The following MYO6 variants were observed in gnomAD, a reference collection of about 807,000 sequenced individuals.
The protein encoded by MYO6 is unconventional myosin-VI.
MYO6 carries 74 observed loss-of-function variants against 178.7 expected under a neutral mutation model. That is an observed-to-expected ratio of 0.41 (90% CI 0.34 to 0.50). MYO6 has a LOEUF of 0.50. Among genes scored for constraint, MYO6 ranks in the 20% least tolerant of loss-of-function variants. The pLI is 0.09. For missense variants in MYO6, 1,330 were observed against 1,547.4 expected (o/e 0.86, Z 2.36); for synonymous variants, 477 against 504.6 (o/e 0.95, Z 0.73).
intron 1 of MYO6, among the ~76,000 whole-genome samples, chr6:75,808,571 G>C (rs1379185356): frequency 1.3e-5 from 2 of 152,194 alleles, no homozygotes; most frequent in Non-Finnish European, 2.9e-5. Context: ...TTCATATGAA[G>C]GGGTATTGCA....
intron 13 of MYO6, 53 bp from the exon 14 acceptor site, chr6:75,858,849 T>G (rs1174683176): frequency 9.5e-7 from 1 of 1,049,748 alleles, no homozygotes; most frequent in Non-Finnish European, 1.5e-6. Context: ...CTATGATAAA[T>G]TTATATGAAG....
chr6:75,820,683 C>T (rs367747721), intron 2 of MYO6, among the ~76,000 whole-genome samples: 1 of 152,060 alleles, frequency 6.6e-6, no homozygotes, highest in Admixed American at 6.6e-5. Flanking sequence ...TCTCCATATC[C>T]TTTTGCTTAG....
intron 1 of MYO6, among the ~76,000 whole-genome samples, chr6:75,774,217 A>G (rs13217702): frequency 0.017 from 2,514 of 152,310 alleles, 37 homozygotes; most frequent in African/African-American, 0.04. Context: ...TTTTTACATA[A>G]TAAAATGTAA....
intron 1 of MYO6, among the ~76,000 whole-genome samples, chr6:75,812,527 T>A (rs1770796373): frequency 6.6e-6 from 1 of 152,210 alleles, no homozygotes; most frequent in Non-Finnish European, 1.5e-5. Flanking sequence ...CACCCTCTTG[T>A]GCTATCAAGT....
chr6:75,815,659 CT>C (rs1251128225), intron 1 of MYO6, among the ~76,000 whole-genome samples: 2 of 152,222 alleles, frequency 1.3e-5, no homozygotes, highest in African/African-American at 2.4e-5. Flanking sequence ...AAGCAACTCA[CT>C]TTGTAGCCAC....
At chr6:75,751,226 C>G (rs905671903) in intron 1 of MYO6, among the ~76,000 whole-genome samples, 3 of 152,114 alleles carry the variant, frequency 2.0e-5, no homozygotes, top group Admixed American at 6.5e-5. Context: ...GGAATTGCAT[C>G]CACTTTGGTA....
chr6:75,787,730 C>CTCTCTCTCTATA (rs1767784406), intron 1 of MYO6, among the ~76,000 whole-genome samples: 1 of 11,660 alleles, frequency 8.6e-5, no homozygotes, highest in East Asian at 2.2e-3. Context: ...CTCTCTCTCT[C>CTCTCTCTCTATA]TATATATATA....
chr6:75,826,498 A>G (rs963454916), intron 3 of MYO6, among the ~76,000 whole-genome samples: 1 of 152,096 alleles, frequency 6.6e-6, no homozygotes, highest in African/African-American at 2.4e-5. Flanking sequence ...TACTTAGAGG[A>G]AGCAGTGACA....
At chr6:75,782,360 T>C (rs892729131) in intron 1 of MYO6, among the ~76,000 whole-genome samples, 11 of 152,284 alleles carry the variant, frequency 7.2e-5, no homozygotes, top group Non-Finnish European at 1.3e-4. Flanking sequence ...CTCTTACCCT[T>C]ATTATATTCA....
chr6:75,812,044 G>A (rs1770746446), intron 1 of MYO6, among the ~76,000 whole-genome samples: 1 of 152,032 alleles, frequency 6.6e-6, no homozygotes, highest in Admixed American at 6.6e-5. Flanking sequence ...CCAGAGACAA[G>A]GTCTTACTCT....
chr6:75,811,494 A>T (rs562193959), intron 1 of MYO6, among the ~76,000 whole-genome samples: 1 of 152,192 alleles, frequency 6.6e-6, no homozygotes, highest in African/African-American at 2.4e-5. Flanking sequence ...GAGCAATGTT[A>T]GCTGTGTGTG....
At chr6:75,881,607 T>C in intron 22 of MYO6, 82 bp from the exon 23 acceptor site, 1 of 1,419,054 alleles carries the variant, frequency 7.0e-7, no homozygotes, top group Non-Finnish European at 9.8e-7. Flanking sequence ...GATTTTGGAT[T>C]TGAATTCTGT....
intron 1 of MYO6, among the ~76,000 whole-genome samples, chr6:75,790,973 G>GC (rs1258755639): frequency 6.6e-6 from 1 of 151,886 alleles, no homozygotes; most frequent in Non-Finnish European, 1.5e-5. Flanking sequence ...TTGCTGTGTG[G>GC]CCCAGACTGG....
intron 1 of MYO6, among the ~76,000 whole-genome samples, chr6:75,810,359 T>C (rs1770572859): frequency 6.6e-6 from 1 of 152,208 alleles, no homozygotes; most frequent in African/African-American, 2.4e-5. Context: ...AGTAAAATAT[T>C]TGATTCTCTT....
chr6:75,805,000 C>T lies in MYO6; in HGVS notation c.-47-12501C>T, dbSNP rs1382102767. Among the ~76,000 whole-genome samples, 12 of 65,626 alleles carry T rather than the reference C, an allele frequency of 1.8e-4. No individual in the cohort carries two copies. In the Admixed American group the frequency reaches 1.9e-3, roughly 10 times the overall value. 43.1% of individuals were successfully genotyped at this position (65,626 alleles called of 152,430 possible). A position where few individuals can be genotyped will look rare whatever the true frequency, so the allele number is the denominator to read the frequency against. On this transcript the variant is annotated intron_variant, in intron 1 of 34. Transcript: ENST00000369977. ...ACACACACATATATATATACACACA[C>T]ACATATATATATATATATATATTTT...
intron 15 of MYO6, among the ~76,000 whole-genome samples, chr6:75,861,298 A>G (rs1360090808): frequency 6.6e-6 from 1 of 152,138 alleles, no homozygotes; most frequent in Non-Finnish European, 1.5e-5. Flanking sequence ...GTTTTCTATA[A>G]TCTCTTCTAT....
intron 7 of MYO6, 86 bp from the exon 8 acceptor site, chr6:75,840,499 T>C (rs1774111825): frequency 1.3e-5 from 12 of 895,718 alleles, no homozygotes; most frequent in Non-Finnish European, 2.1e-5. Flanking sequence ...TCTAGACATA[T>C]ATATTAACAA....
At chr6:75,897,732 A>T (rs1779417041) in intron 29 of MYO6, among the ~76,000 whole-genome samples, 2 of 152,252 alleles carry the variant, frequency 1.3e-5, no homozygotes, top group African/African-American at 4.8e-5. Context: ...GTTTTAAAGA[A>T]TTAAACAAAA....
chr6:75,913,966 C>T, intron 33 of MYO6, 97 bp from the exon 34 acceptor site: 1 of 1,061,918 alleles, frequency 9.4e-7, no homozygotes, highest in Non-Finnish European at 1.4e-6. Flanking sequence ...AGGGACCTTT[C>T]TTCTTTTTAA....
Sources: allele counts gnomAD v4.1 joint callset (sites outside exome capture counted in the v4.1 genomes callset), GRCh38; gene constraint gnomAD v4.1.1; transcripts MANE v1.5; gene names NCBI Gene and HGNC (gene_info 2026-07-23, HGNC 2026-07-21).